Variants in NPEPPS observed in about 807,000 individuals in gnomAD.
NPEPPS encodes aminopeptidase puromycin sensitive, also known as puromycin-sensitive aminopeptidase.
In NPEPPS, 14 loss-of-function variants were observed where a neutral mutation model predicts 115.5. The ratio of observed to expected loss-of-function variants is 0.12; its 90% CI spans 0.08 to 0.19. NPEPPS has a LOEUF of 0.19. Among genes scored for constraint, NPEPPS ranks in the 10% least tolerant of loss-of-function variants. The pLI, the probability that NPEPPS is intolerant of heterozygous loss-of-function variation, is 1.00. For synonymous variants in NPEPPS, 285 were observed against 390.6 expected (o/e 0.73, Z 3.19); for missense variants, 523 against 1,110.8 (o/e 0.47, Z 7.52).
At chr17:47,532,203 C>G (rs1242400465) in intron 1 of NPEPPS, among the ~76,000 whole-genome samples, 4 of 152,140 alleles carry the variant, frequency 2.6e-5, no homozygotes, top group Admixed American at 6.5e-5. Context: ...CCCCCTTTCC[C>G]TCAAGTGACA....
At chr17:47,538,633 G>A (rs1042370309) in intron 1 of NPEPPS, among the ~76,000 whole-genome samples, 1 of 149,998 alleles carries the variant, frequency 6.7e-6, no homozygotes, top group Non-Finnish European at 1.5e-5. Flanking sequence ...GGGTTTAAGC[G>A]ATTCTCCTGC....
In NPEPPS at chr17:47,621,967, T is replaced by C; in HGVS notation, c.*47T>C. On this transcript the variant is annotated 3_prime_UTR_variant, in exon 23 of 23. Transcript: ENST00000322157. ...CGGTTCTGCTGCTTCGCTGCAGGGA[T>C]AAGGTGGAGCTACCGAACAGCTGAT... The C allele has an allele frequency of 2.6e-6, 4 of 1,544,024 alleles. No homozygotes were observed. Among genetic ancestry groups the C allele is most frequent in the Non-Finnish European group, 3.5e-6 (4 of 1,139,080 alleles).
At chr17:47,594,841 C>T (rs1282305700) in intron 12 of NPEPPS, among the ~76,000 whole-genome samples, 3 of 151,906 alleles carry the variant, frequency 2.0e-5, no homozygotes, top group Non-Finnish European at 4.4e-5. Context: ...ACTGTGTTAG[C>T]CAGGATGGTC....
At chr17:47,607,748 G>A (rs1913601617) in intron 17 of NPEPPS, among the ~76,000 whole-genome samples, 1 of 152,224 alleles carries the variant, frequency 6.6e-6, no homozygotes, top group Non-Finnish European at 1.5e-5. Flanking sequence ...AGGATGGACT[G>A]TGTGGTGGAA....
In NPEPPS at chr17:47,592,743, TTTTC is replaced by T. The variant is rs563918518; in HGVS notation, c.1426+203_1426+206del. 322 of 504,330 alleles carry T rather than the reference TTTTC, an allele frequency of 6.4e-4. 1 individual carries two copies. The highest frequency in any genetic ancestry group is 5.7e-3 in the African/African-American group (293 of 51,384). The allele number at this position is 504,330 out of a possible 1,614,324, so 31.2% of individuals were successfully genotyped here. A position where few individuals can be genotyped will look rare whatever the true frequency, so the allele number is the denominator to read the frequency against. On this transcript the variant is annotated intron_variant, in intron 12 of 22. Transcript: ENST00000322157. ...TTGAAATGCTCCAGAATCTGAAACT[TTTTC>T]TTTCCTTTCTTTCTTTTTTTTAATT...
At chr17:47,602,142 C>T (rs1414875474) in intron 15 of NPEPPS, among the ~76,000 whole-genome samples, 2 of 152,100 alleles carry the variant, frequency 1.3e-5, no homozygotes, top group Non-Finnish European at 2.9e-5. Context: ...ATAATCGGTT[C>T]GTGTCACTGA....
chr17:47,550,632 T>A (rs1444926480), intron 2 of NPEPPS, among the ~76,000 whole-genome samples: 93 of 39,168 alleles, frequency 2.4e-3, no homozygotes, highest in Middle Eastern at 0.012. Flanking sequence ...ATATATATAA[T>A]TTTTTTTTTT....
At chr17:47,558,464 C>G (rs973973205) in intron 2 of NPEPPS, among the ~76,000 whole-genome samples, 6 of 152,088 alleles carry the variant, frequency 3.9e-5, no homozygotes, top group African/African-American at 1.4e-4. Context: ...GAGTCTCGCT[C>G]TGTCACCCAT....
chr17:47,564,747 T>G (rs1444241544), intron 2 of NPEPPS, among the ~76,000 whole-genome samples: 1 of 151,742 alleles, frequency 6.6e-6, no homozygotes, highest in African/African-American at 2.4e-5. Context: ...ACTTCTCATA[T>G]GCATCTTCAG....
intron 19 of NPEPPS, among the ~76,000 whole-genome samples, chr17:47,616,633 G>A (rs1207652555): frequency 6.6e-6 from 1 of 150,920 alleles, no homozygotes; most frequent in Non-Finnish European, 1.5e-5. Context: ...GTGGTGAGCC[G>A]ATATTGTGCC....
In NPEPPS at chr17:47,569,608, T is replaced by G. The variant is rs1243724192; in HGVS notation, c.418+114T>G. ...CTCATTGTTATTAGCAGATTAAGTA[T>G]TAAGAGCTTTTTTTTTTTTTTTCCT... On this transcript the variant is annotated intron_variant, in intron 3 of 22. Coordinates refer to ENST00000322157, the MANE Select transcript of NPEPPS (RefSeq NM_006310.4). 1.1e-5 allele frequency: 7 copies of G among 641,804 alleles called. No individual in the cohort carries two copies. In the Admixed American group the frequency reaches 1.6e-4, roughly 14 times the overall value. The allele number at this position is 641,804 out of a possible 1,614,324, so 39.8% of individuals were successfully genotyped here.
chr17:47,550,306 G>A (rs4794370), intron 2 of NPEPPS, among the ~76,000 whole-genome samples: 145,751 of 147,412 alleles, frequency 0.99, 72,084 homozygotes, highest in Middle Eastern at 1. Context: ...AGTCATCCTT[G>A]AAAGACCTAT....
intron 2 of NPEPPS, among the ~76,000 whole-genome samples, chr17:47,564,577 T>G (rs1910672214): frequency 1.3e-5 from 2 of 151,206 alleles, no homozygotes; most frequent in South Asian, 4.1e-4. Flanking sequence ...TATATACATT[T>G]CCAATTATGA....
At chr17:47,542,500 C>G (rs1343875204) in intron 1 of NPEPPS, among the ~76,000 whole-genome samples, 1 of 145,698 alleles carries the variant, frequency 6.9e-6, no homozygotes, top group African/African-American at 2.5e-5. Flanking sequence ...GAGCCGAGAT[C>G]ACGCCATTGC....
At chr17:47,532,907 G>T (rs1907927049) in intron 1 of NPEPPS, among the ~76,000 whole-genome samples, 1 of 152,128 alleles carries the variant, frequency 6.6e-6, no homozygotes, top group Non-Finnish European at 1.5e-5. Context: ...GGAACTGTTT[G>T]ATAGTTATCT....
rs1346012934 is a variant in NPEPPS, at chr17:47,546,071, T to TGAGAGAGA, written c.340+79_340+80insAGAGAGAG. ...GTGTGTGTGTGTGTGTGTGTGTGTG[T>TGAGAGAGA]GTGAGAGAGAGAGAGAGAGAGACAT... is the stretch of plus-strand genomic sequence containing the variant. On this transcript the variant is annotated intron_variant, in intron 2 of 22. Coordinates refer to ENST00000322157, the MANE Select transcript of NPEPPS (RefSeq NM_006310.4). The TGAGAGAGA allele has an allele frequency of 5.7e-6, 8 of 1,408,248 alleles. No individual in the cohort carries two copies. In the African/African-American group the frequency reaches 8.4e-5, roughly 15 times the overall value. The allele number at this position is 1,408,248 out of a possible 1,614,324, so 87.2% of individuals were successfully genotyped here. A position where few individuals can be genotyped will look rare whatever the true frequency, so the allele number is the denominator to read the frequency against.
chr17:47,558,913 A>AGT (rs1910244295), intron 2 of NPEPPS, among the ~76,000 whole-genome samples: 1 of 152,136 alleles, frequency 6.6e-6, no homozygotes, highest in Admixed American at 6.6e-5. Context: ...GCATGCCTGT[A>AGT]GTCCCCCCTA....
At chr17:47,564,091 C>T (rs1425845813) in intron 2 of NPEPPS, among the ~76,000 whole-genome samples, 41 of 151,776 alleles carry the variant, frequency 2.7e-4, no homozygotes. Flanking sequence ...CGCCACCATG[C>T]CCTGCTAATT....
At chr17:47,608,130 C>T (rs372846598) in intron 17 of NPEPPS, among the ~76,000 whole-genome samples, 13 of 152,220 alleles carry the variant, frequency 8.5e-5, no homozygotes, top group African/African-American at 2.9e-4. Context: ...CCATGAGCCA[C>T]TGTGCCTGGC....
Sources: allele counts gnomAD v4.1 joint callset (sites outside exome capture counted in the v4.1 genomes callset), GRCh38; gene constraint gnomAD v4.1.1; transcripts MANE v1.5; gene names NCBI Gene and HGNC (gene_info 2026-07-23, HGNC 2026-07-21).